The following NCAPD3 variants were observed in gnomAD, a reference collection of about 807,000 sequenced individuals.
The protein encoded by NCAPD3 is non-SMC condensin II complex subunit D3, also known as condensin-2 complex subunit D3.
A neutral mutation model predicts 182.9 loss-of-function variants in NCAPD3; 105 were observed. The observed-to-expected ratio is 0.57, with a 90% CI of 0.49 to 0.68. The LOEUF (loss-of-function observed/expected upper bound fraction) is 0.68, where lower values mean the gene tolerates loss of function less well. NCAPD3 is among the 30% of genes least tolerant of loss of function. The pLI is 0.00. For missense variants in NCAPD3, 1,944 were observed against 1,837.0 expected, an observed-to-expected ratio of 1.06 and a Z score of -1.07; for synonymous variants, 815 against 679.9, an observed-to-expected ratio of 1.20 and a Z score of -3.09.
At chr11:134,201,399 TGCTAATGGC>T (rs1257398770) in intron 13 of NCAPD3, among the ~76,000 whole-genome samples, 35 of 152,190 alleles carry the variant, frequency 2.3e-4, no homozygotes, top group Admixed American at 2.3e-3. Context: ...GGGGAGTGAC[TGCTAATGGC>T]TATGGGGTTT....
At position 134,177,221 on chromosome 11, in the gene NCAPD3, G is replaced by C; in HGVS notation, c.3019C>G (p.Gln1007Glu). Residue 1007 changes from glutamine (Q) to glutamate (E), a missense_variant and splice_region_variant, in exon 23 of 35, where the codon CAG becomes GAG. By Grantham distance (29) the Gln-to-Glu change is conservative (BLOSUM62 2). Coordinates refer to ENST00000534548, the MANE Select transcript of NCAPD3 (RefSeq NM_015261.3). ...QTLILLTNLL[Q>E]EEFVKWKGSL... is the part of the protein sequence containing the mutation. ...ACAGATTGAACCCCCCTACGCACCT[G>C]CAAGAGATTGGTAAGCAAGATGAGT... is the stretch of plus-strand genomic sequence containing the variant. 1 of 1,611,572 alleles carries C rather than the reference G, an allele frequency of 6.2e-7. No homozygotes were observed. The highest frequency in any genetic ancestry group is 8.5e-7 in the Non-Finnish European group (1 of 1,177,620).
intron 28 of NCAPD3, among the ~76,000 whole-genome samples, chr11:134,161,195 T>G (rs1304521797): frequency 1.3e-5 from 2 of 152,130 alleles, no homozygotes; most frequent in African/African-American, 2.4e-5. Context: ...AAAGAAAAAC[T>G]ATGTTGCATT....
Position 134,202,855 on chromosome 11 carries a change from T to C in NCAPD3, c.1576A>G (p.Ile526Val). 5 of 1,609,054 alleles carry C rather than the reference T, an allele frequency of 3.1e-6. No individual in the cohort carries two copies. The highest frequency in any genetic ancestry group is 4.2e-6 in the Non-Finnish European group (5 of 1,178,838). ...GTTTCACCACTGCTGTCTATGTTGA[T>C]CTCCCCTGAGGGTTCGGAACGGTTA... ...TSNRSEPSGE[I>V]NIDSSGETVG... is the part of the protein sequence containing the mutation. The change falls in exon 13 of 35, where the codon ATC becomes GTC. Residue 526 changes from isoleucine to valine, a missense_variant. By Grantham distance (29) the Ile-to-Val change is conservative. Coordinates refer to ENST00000534548, the MANE Select transcript of NCAPD3 (RefSeq NM_015261.3).
At chr11:134,157,528 A>G (rs1272379746) in intron 31 of NCAPD3, among the ~76,000 whole-genome samples, 2 of 152,266 alleles carry the variant, frequency 1.3e-5, no homozygotes, top group African/African-American at 4.8e-5. Context: ...CCACAATGCT[A>G]TAAAGCCACT....
chr11:134,156,917 A>T, intron 32 of NCAPD3, 101 bp downstream of exon 32: 1 of 1,041,672 alleles, frequency 9.6e-7, no homozygotes, highest in South Asian at 1.5e-5. Context: ...GACCATCAGA[A>T]CTATCCTGCA....
intron 29 of NCAPD3, 90 bp downstream of exon 29, chr11:134,159,802 G>A: frequency 7.3e-7 from 1 of 1,362,068 alleles, no homozygotes; most frequent in African/African-American, 1.4e-5. Context: ...TCTGATGACG[G>A]AGATCTTGAG....
In NCAPD3 at chr11:134,177,459, T is replaced by G. The variant is rs775874233; in HGVS notation, c.2783-2A>C. ...CCTCGTGCTGTAAGCACAGCTTACCTGGCACAGAAGACAGGAAGATGTCTC... is the reference window on the plus strand; with the variant it reads ...CCTCGTGCTGTAAGCACAGCTTACCGGGCACAGAAGACAGGAAGATGTCTC... On this transcript the variant is annotated splice_acceptor_variant, in intron 22 of 34. Transcript: ENST00000534548. LOFTEE classifies it high-confidence loss of function. 6.2e-7 allele frequency: 1 copy of G among 1,609,576 alleles called. No individual in the cohort carries two copies. Among genetic ancestry groups the G allele is most frequent in the Non-Finnish European group, 8.5e-7 (1 of 1,176,234 alleles).
In NCAPD3 at chr11:134,152,856, G is replaced by T; in HGVS notation, c.*88C>A. 1 of 1,086,342 alleles carries T rather than the reference G, an allele frequency of 9.2e-7. No individual in the cohort carries two copies. Among genetic ancestry groups the T allele is most frequent in the Non-Finnish European group, 1.3e-6 (1 of 746,482 alleles). The allele number at this position is 1,086,342 out of a possible 1,614,324, so 67.3% of individuals were successfully genotyped here. A position where few individuals can be genotyped will look rare whatever the true frequency, so the allele number is the denominator to read the frequency against. ...AGCAAAGCGCTGCCCAAGGACTGCG[G>T]GAAGTGATCCAGCTGCCTTCACACG... On this transcript the variant is annotated 3_prime_UTR_variant, in exon 35 of 35. Transcript: ENST00000534548.
intron 14 of NCAPD3, among the ~76,000 whole-genome samples, 197 bp downstream of exon 14, chr11:134,194,468 G>A (rs1944585570): frequency 6.6e-6 from 1 of 152,074 alleles, no homozygotes; most frequent in South Asian, 2.1e-4. Flanking sequence ...AAAAAAATCA[G>A]AAACCCTGTA....
chr11:134,223,765 C>A, intron 1 of NCAPD3, 98 bp downstream of exon 1: 4 of 1,421,564 alleles, frequency 2.8e-6, no homozygotes, highest in Middle Eastern at 2.4e-4. Context: ...GGCGCCCCCA[C>A]CCCGCCCCCA....
At chr11:134,171,399 T>G (rs1944003334) in intron 24 of NCAPD3, among the ~76,000 whole-genome samples, 1 of 152,184 alleles carries the variant, frequency 6.6e-6, no homozygotes, top group Admixed American at 6.5e-5. Flanking sequence ...TGTCCACTTC[T>G]GTTTTCAGCT....
intron 19 of NCAPD3, among the ~76,000 whole-genome samples, chr11:134,184,108 A>G (rs971503455): frequency 2.6e-5 from 4 of 152,192 alleles, no homozygotes; most frequent in African/African-American, 9.7e-5. Flanking sequence ...TAAATCACTG[A>G]TGTGGATTTC....
intron 27 of NCAPD3, among the ~76,000 whole-genome samples, chr11:134,164,626 T>A (rs930300169): frequency 1.9e-4 from 28 of 148,690 alleles, no homozygotes; most frequent in African/African-American, 7.0e-4. Flanking sequence ...ACTTGTGACA[T>A]GAGCTTGAGG....
chr11:134,185,320 T>C lies in NCAPD3; in HGVS notation c.2237+15A>G, dbSNP rs548034400. 1 of 1,583,410 alleles carries C rather than the reference T, an allele frequency of 6.3e-7. No homozygotes were observed. The highest frequency in any genetic ancestry group is 1.4e-5 in the African/African-American group (1 of 73,820). ...CTCTTCAGTGTCATTACTGGTTAAA[T>C]TAGAAGATACAAACCTGCTGATTTT... is the stretch of plus-strand genomic sequence containing the variant. On this transcript the variant is annotated intron_variant, in intron 17 of 34. Transcript: ENST00000534548.
At chr11:134,223,823 C>T in intron 1 of NCAPD3, 40 bp downstream of exon 1, 1 of 1,599,716 alleles carries the variant, frequency 6.3e-7, no homozygotes, top group Non-Finnish European at 8.5e-7. Context: ...GCATAGGACC[C>T]TCGCCCTGGC....
chr11:134,170,703 C>T (rs574296852), intron 24 of NCAPD3, among the ~76,000 whole-genome samples: 19 of 152,340 alleles, frequency 1.2e-4, no homozygotes, highest in East Asian at 7.7e-4. Context: ...CAAGATACTG[C>T]GGAGTTTAAG....
intron 28 of NCAPD3, 86 bp from the exon 29 acceptor site, chr11:134,160,160 T>C: frequency 3.6e-6 from 5 of 1,396,076 alleles, no homozygotes; most frequent in Non-Finnish European, 4.9e-6. Flanking sequence ...TTCGCCTGTG[T>C]AACAAACCTG....
intron 32 of NCAPD3, among the ~76,000 whole-genome samples, chr11:134,156,673 G>A (rs1036399113): frequency 2.0e-5 from 3 of 152,072 alleles, no homozygotes; most frequent in Non-Finnish European, 2.9e-5. Context: ...CCACCCAGCA[G>A]CGCCCAGTGC....
At chr11:134,200,554 CTAAAA>C (rs1369582747) in intron 13 of NCAPD3, among the ~76,000 whole-genome samples, 1 of 152,024 alleles carries the variant, frequency 6.6e-6, no homozygotes, top group African/African-American at 2.4e-5. Context: ...ACAAAGATGG[CTAAAA>C]TAAAAAAGAC....
Sources: allele counts gnomAD v4.1 joint callset (sites outside exome capture counted in the v4.1 genomes callset), GRCh38; gene constraint gnomAD v4.1.1; transcripts MANE v1.5; gene names NCBI Gene and HGNC (gene_info 2026-07-23, HGNC 2026-07-21).